The following CSMD1 variants were observed in gnomAD, a reference collection of about 807,000 sequenced individuals.
CSMD1 encodes CUB and Sushi multiple domains 1, also known as CUB and sushi domain-containing protein 1.
CSMD1 carries 213 observed loss-of-function variants against 417.5 expected under a neutral mutation model. That is an observed-to-expected ratio of 0.51 (90% CI 0.46 to 0.57). CSMD1 has a LOEUF of 0.57. Among genes scored for constraint, CSMD1 ranks in the 20% least tolerant of loss-of-function variants. The pLI, the probability that CSMD1 is intolerant of heterozygous loss-of-function variation, is 0.00. For synonymous variants in CSMD1, 2,862 were observed against 1,736.8 expected (o/e 1.65, Z -16.11); for missense variants, 6,923 against 4,529.7 (o/e 1.53, Z -15.17).
At chr8:4,016,392 G>T (rs1193372656) in intron 4 of CSMD1, among the ~76,000 whole-genome samples, 1 of 152,114 alleles carries the variant, frequency 6.6e-6, no homozygotes, top group South Asian at 2.1e-4. Flanking sequence ...AGATGATCGA[G>T]CCAGTGGCAG....
chr8:4,343,930 T>G (rs1448517591), intron 3 of CSMD1, among the ~76,000 whole-genome samples: 1 of 152,112 alleles, frequency 6.6e-6, no homozygotes, highest in African/African-American at 2.4e-5. Context: ...CCAAGAGAAG[T>G]GTTTTAAAAA....
intron 1 of CSMD1, among the ~76,000 whole-genome samples, chr8:4,865,354 G>C (rs1356745160): frequency 6.6e-6 from 1 of 151,448 alleles, no homozygotes; most frequent in East Asian, 1.9e-4. Flanking sequence ...GACGAAATCA[G>C]CAACTGACTT....
At chr8:3,222,778 G>C (rs141104246) in intron 28 of CSMD1, among the ~76,000 whole-genome samples, 30 of 152,272 alleles carry the variant, frequency 2.0e-4, no homozygotes, top group African/African-American at 6.5e-4. Context: ...GTAAATTTGT[G>C]GCAGTTTAGT....
At chr8:2,982,609 G>A (rs1038229957) in intron 54 of CSMD1, among the ~76,000 whole-genome samples, 2 of 152,170 alleles carry the variant, frequency 1.3e-5, no homozygotes, top group African/African-American at 2.4e-5. Context: ...GCCTCACACC[G>A]TAGTAGGTCT....
chr8:4,571,221 C>G (rs1798878142), intron 2 of CSMD1, among the ~76,000 whole-genome samples: 1 of 151,994 alleles, frequency 6.6e-6, no homozygotes, highest in Non-Finnish European at 1.5e-5. Context: ...CTAGTTCTTT[C>G]AGTTGTGATG....
chr8:4,710,114 T>C (rs547644703), intron 1 of CSMD1, among the ~76,000 whole-genome samples: 9 of 152,256 alleles, frequency 5.9e-5, no homozygotes, highest in Admixed American at 5.9e-4. Flanking sequence ...CAAGTTCTGA[T>C]AACCTTCGCC....
intron 3 of CSMD1, among the ~76,000 whole-genome samples, chr8:4,417,911 A>G (rs373603710): frequency 2.6e-5 from 4 of 152,072 alleles, no homozygotes; most frequent in African/African-American, 9.7e-5. Context: ...TGTGTAAAGT[A>G]TTTGGTACTT....
At chr8:3,785,474 C>T (rs746986861) in intron 5 of CSMD1, among the ~76,000 whole-genome samples, 12 of 152,164 alleles carry the variant, frequency 7.9e-5, no homozygotes, top group Non-Finnish European at 1.5e-4. Flanking sequence ...CCTCCTAAGG[C>T]TTGTACTCTA....
At chr8:3,410,507 T>C (rs143182146) in intron 12 of CSMD1, among the ~76,000 whole-genome samples, 20 of 152,178 alleles carry the variant, frequency 1.3e-4, no homozygotes, top group Non-Finnish European at 2.8e-4. Context: ...GGTCTGATGG[T>C]TTTCTAAGGG....
Position 4,278,155 on chromosome 8 carries a change from T to C in CSMD1, c.415+141798A>G, listed in dbSNP as rs541843839. ...AACTTCCACCAAAGAGAAGAATCTATTCTTGAATTTCAGACTACATTCACA... is the reference window on the plus strand; with the variant it reads ...AACTTCCACCAAAGAGAAGAATCTACTCTTGAATTTCAGACTACATTCACA... On this transcript the variant is annotated intron_variant, in intron 3 of 69. Coordinates refer to ENST00000635120, the MANE Select transcript of CSMD1 (RefSeq NM_033225.6). 1.6e-4 allele frequency among the ~76,000 whole-genome samples: 24 copies of C among 152,314 alleles called. 1 individual carries two copies. The South Asian group carries it at 5.0e-3, about 32-fold the overall frequency.
At chr8:3,226,966 T>A (rs1798541812) in intron 27 of CSMD1, among the ~76,000 whole-genome samples, 1 of 152,172 alleles carries the variant, frequency 6.6e-6, no homozygotes, top group African/African-American at 2.4e-5. Flanking sequence ...TATTATTAAT[T>A]TAAAATGCCA....
Position 4,994,448 on chromosome 8 carries a change from G to A in CSMD1, c.-32C>T, listed in dbSNP as rs756239979. 1 of 1,585,426 alleles carries A rather than the reference G, an allele frequency of 6.3e-7. No individual in the cohort carries two copies. Among genetic ancestry groups the A allele is most frequent in the East Asian group, 2.2e-5 (1 of 44,696 alleles). ...AGATACTCCACACGCACGCGACACC[G>A]ATGGCTCCTCCGAGGAAGGCAGGGC... On this transcript the variant is annotated 5_prime_UTR_variant, in exon 1 of 70. Coordinates refer to ENST00000635120, the MANE Select transcript of CSMD1 (RefSeq NM_033225.6).
At chr8:4,434,308 G>A (rs1221521053) in intron 2 of CSMD1, among the ~76,000 whole-genome samples, 2 of 152,190 alleles carry the variant, frequency 1.3e-5, no homozygotes, top group African/African-American at 4.8e-5. Flanking sequence ...GGAGGTTGCA[G>A]TGAGCTGAGA....
intron 37 of CSMD1, among the ~76,000 whole-genome samples, chr8:3,167,683 A>C (rs1820317520): frequency 6.6e-6 from 1 of 152,228 alleles, no homozygotes; most frequent in South Asian, 2.1e-4. Context: ...CTATGAAAGC[A>C]AAGAATCTAA....
At chr8:4,708,110 T>C (rs531167372) in intron 1 of CSMD1, among the ~76,000 whole-genome samples, 8 of 131,232 alleles carry the variant, frequency 6.1e-5, no homozygotes, top group African/African-American at 2.0e-4. Context: ...CACTGGCTAA[T>C]TTTTTGTATT....
rs1798917534 is a variant in CSMD1 at position 4,572,025 on chromosome 8, G to T, written c.302+65317C>A. On this transcript the variant is annotated intron_variant, in intron 2 of 69. Transcript: ENST00000635120. ...GGAGCCTATGTGTGTCTTCGCACATGAGTCTCCTGAATACAGCACACCGAT... is the reference window on the plus strand; with the variant it reads ...GGAGCCTATGTGTGTCTTCGCACATTAGTCTCCTGAATACAGCACACCGAT... Among the ~76,000 whole-genome samples the T allele has an allele frequency of 2.0e-5, 3 of 152,192 alleles. No homozygotes were observed. In the South Asian group the frequency reaches 6.2e-4, roughly 31 times the overall value.
chr8:3,616,851 C>G (rs1025137389), intron 7 of CSMD1, 54 bp from the exon 8 acceptor site: 2 of 1,281,468 alleles, frequency 1.6e-6, no homozygotes, highest in Non-Finnish European at 2.2e-6. Flanking sequence ...AGGAAATACC[C>G]AGATAAAAAA....
intron 3 of CSMD1, among the ~76,000 whole-genome samples, chr8:4,265,991 T>C (rs1804206628): frequency 9.6e-6 from 1 of 103,800 alleles, no homozygotes; most frequent in South Asian, 3.9e-4. Context: ...TTGTGTGCGT[T>C]TGGGCTGTGT....
At chr8:3,528,262 A>G (rs557694739) in intron 10 of CSMD1, among the ~76,000 whole-genome samples, 2 of 152,356 alleles carry the variant, frequency 1.3e-5, no homozygotes, top group South Asian at 2.1e-4. Flanking sequence ...ACACATCTCA[A>G]ATCACCAGGT....
Sources: allele counts gnomAD v4.1 joint callset (sites outside exome capture counted in the v4.1 genomes callset), GRCh38; gene constraint gnomAD v4.1.1; transcripts MANE v1.5; gene names NCBI Gene and HGNC (gene_info 2026-07-23, HGNC 2026-07-21).